UNC5A: variants seen among roughly 807,000 people sequenced by gnomAD.
The protein encoded by UNC5A is unc-5 netrin receptor A.
In UNC5A, 20 loss-of-function variants were observed where a neutral mutation model predicts 87.4. The observed-to-expected ratio is 0.23, with a 90% CI of 0.16 to 0.33. UNC5A has a LOEUF of 0.33. Ranked by LOEUF, UNC5A falls within the 10% of genes least tolerant of loss-of-function variation. The pLI is 1.00. For synonymous variants in UNC5A, 438 were observed against 482.3 expected (o/e 0.91, Z 1.20); for missense variants, 844 against 1,133.4 (o/e 0.74, Z 3.67).
chr5:176,820,996 T>C (rs1041868031), intron 1 of UNC5A, among the ~76,000 whole-genome samples: 1 of 152,200 alleles, frequency 6.6e-6, no homozygotes, highest in African/African-American at 2.4e-5. Context: ...TTGCTTGCCT[T>C]CAAAGAACCC....
chr5:176,863,490 G>A (rs1469409352), intron 2 of UNC5A, among the ~76,000 whole-genome samples: 1 of 152,148 alleles, frequency 6.6e-6, no homozygotes, highest in Admixed American at 6.5e-5. Context: ...GAGACACTGA[G>A]CAGAGGGGGC....
At chr5:176,867,509 G>A (rs1019697032) in intron 2 of UNC5A, among the ~76,000 whole-genome samples, 3 of 152,158 alleles carry the variant, frequency 2.0e-5, no homozygotes, top group Admixed American at 6.5e-5. Context: ...GGGTCCCCAT[G>A]GCAAGTCACT....
intron 1 of UNC5A, among the ~76,000 whole-genome samples, chr5:176,852,952 C>T (rs1428494825): frequency 1.3e-5 from 2 of 152,200 alleles, no homozygotes; most frequent in Non-Finnish European, 2.9e-5. Context: ...AACAAGATGA[C>T]CTCAGGTGGT....
At chr5:176,847,417 G>C (rs1283787758) in intron 1 of UNC5A, among the ~76,000 whole-genome samples, 2 of 152,042 alleles carry the variant, frequency 1.3e-5, no homozygotes, top group Non-Finnish European at 2.9e-5. Context: ...CTGCCGAGGC[G>C]GGGGGGCCCT....
chr5:176,822,561 C>T (rs965237001), intron 1 of UNC5A, among the ~76,000 whole-genome samples: 2 of 152,172 alleles, frequency 1.3e-5, no homozygotes, highest in Non-Finnish European at 2.9e-5. Context: ...CCTGAGAGCC[C>T]GGGTGTGTCT....
In UNC5A at chr5:176,841,218, C is replaced by T. The variant is rs1345431220; in HGVS notation, c.71-21406C>T. ...CCAGATGTCTGTTCTAATTTATTTC[C>T]TTTGAGCCACAGAGCTGCTCAGTGA... On this transcript the variant is annotated intron_variant, in intron 1 of 14. Coordinates refer to ENST00000329542, the MANE Select transcript of UNC5A (RefSeq NM_133369.3). This position sits in a 1 kb window ranked among gnomAD's most constrained non-coding sequence, Gnocchi z 4.1. Among the ~76,000 whole-genome samples, 1 of 152,174 alleles carries T rather than the reference C, an allele frequency of 6.6e-6. No individual in the cohort carries two copies. Among genetic ancestry groups the T allele is most frequent in the Non-Finnish European group, 1.5e-5 (1 of 68,030 alleles).
chr5:176,868,533 C>T, intron 3 of UNC5A, 28 bp from the exon 4 acceptor site: 2 of 1,573,598 alleles, frequency 1.3e-6, no homozygotes, highest in South Asian at 2.3e-5. Flanking sequence ...GGCCCTCAGA[C>T]AGGAGGACAC....
At chr5:176,877,762 C>T in intron 10 of UNC5A, 59 bp downstream of exon 10, 1 of 1,534,088 alleles carries the variant, frequency 6.5e-7, no homozygotes, top group Middle Eastern at 2.2e-4. Context: ...CACGCTCCAC[C>T]CGGCCTTCCA....
At chr5:176,830,023 T>C (rs1043640906) in intron 1 of UNC5A, among the ~76,000 whole-genome samples, 1 of 152,002 alleles carries the variant, frequency 6.6e-6, no homozygotes, top group Non-Finnish European at 1.5e-5. Context: ...TAAAGGGGTG[T>C]GCCACCATGC....
Position 176,874,344 on chromosome 5 carries a change from G to A in UNC5A, c.1156G>A (p.Asp386Asn). Residue 386 changes from aspartate (D) to asparagine (N), a missense_variant, in exon 8 of 15, where the codon GAT (aspartate) becomes AAT (asparagine). Coordinates refer to ENST00000329542, the MANE Select transcript of UNC5A (RefSeq NM_133369.3). This position sits in a 1 kb window ranked among gnomAD's most constrained non-coding sequence, Gnocchi z 7.6. ...CCAGGGCAGTCTCTGTCCCCGGCAG[G>A]ATGGGCCCAGCCCCAAGTTCCAGCT... ...TYQGSLCPRQ[D>N]GPSPKFQLTN... The A allele has an allele frequency of 1.2e-6, 2 of 1,613,556 alleles. No individual in the cohort carries two copies. Among genetic ancestry groups the A allele is most frequent in the Non-Finnish European group, 1.7e-6 (2 of 1,179,818 alleles).
chr5:176,863,539 A>G lies in UNC5A; in HGVS notation c.292+694A>G, dbSNP rs989006876. On this transcript the variant is annotated intron_variant, in intron 2 of 14. Coordinates refer to ENST00000329542, the MANE Select transcript of UNC5A (RefSeq NM_133369.3). ...CTGGGGGCACAGAGAGAGAGGTTCT[A>G]GGGGCAGCGAGCAGACCCAGGAAGC... 3.9e-5 allele frequency among the ~76,000 whole-genome samples: 6 copies of G among 152,062 alleles called. No individual in the cohort carries two copies. In the East Asian group the frequency reaches 1.2e-3, roughly 29 times the overall value.
intron 1 of UNC5A, among the ~76,000 whole-genome samples, chr5:176,847,416 C>CG (rs756099352): frequency 1.7e-4 from 26 of 152,206 alleles, no homozygotes; most frequent in East Asian, 5.8e-4. Context: ...GCTGCCGAGG[C>CG]GGGGGGGCCC....
chr5:176,810,727 C>T lies in UNC5A; in HGVS notation c.-24C>T. On this transcript the variant is annotated 5_prime_UTR_variant, in exon 1 of 15. Transcript: ENST00000329542. This position sits in a 1 kb window ranked among gnomAD's most constrained non-coding sequence, Gnocchi z 7.3. ...CCGCCCGCGGGGCCCCGCGCCCGGC[C>T]CGCCCGCCTGCCCGCCCGCGGCCAT... 9.3e-7 allele frequency: 1 copy of T among 1,075,460 alleles called. No homozygotes were observed. Among genetic ancestry groups the T allele is most frequent in the Non-Finnish European group, 1.1e-6 (1 of 882,284 alleles). 66.6% of individuals were successfully genotyped at this position (1,075,460 alleles called of 1,614,324 possible).
At chr5:176,870,310 C>T (rs1252228625) in intron 5 of UNC5A, 60 bp from the exon 6 acceptor site, 1 of 1,575,722 alleles carries the variant, frequency 6.3e-7, no homozygotes, top group Non-Finnish European at 8.6e-7. Context: ...CACTGGCAGA[C>T]TGCCGGGGTG....
intron 1 of UNC5A, among the ~76,000 whole-genome samples, chr5:176,852,765 A>G (rs558741821): frequency 3.5e-4 from 54 of 152,300 alleles, no homozygotes; most frequent in Middle Eastern, 3.4e-3. Flanking sequence ...GTACTTAGCG[A>G]TGGCAACAGT....
intron 1 of UNC5A, among the ~76,000 whole-genome samples, chr5:176,833,136 C>G (rs771906692): frequency 6.6e-6 from 1 of 152,200 alleles, no homozygotes. Context: ...GAACCCAACT[C>G]AGAATCTTTT....
At chr5:176,845,369 T>C (rs961451679) in intron 1 of UNC5A, among the ~76,000 whole-genome samples, 1 of 152,250 alleles carries the variant, frequency 6.6e-6, no homozygotes, top group Admixed American at 6.5e-5. Context: ...TGCCACCAGA[T>C]AGGTCCTGCC....
intron 1 of UNC5A, among the ~76,000 whole-genome samples, chr5:176,820,584 G>T (rs1466877226): frequency 2.6e-5 from 4 of 152,172 alleles, no homozygotes; most frequent in African/African-American, 9.7e-5. Flanking sequence ...TCTACCGTGG[G>T]ACAGTAACCC....
At chr5:176,852,207 C>A (rs1757560953) in intron 1 of UNC5A, among the ~76,000 whole-genome samples, 1 of 152,140 alleles carries the variant, frequency 6.6e-6, no homozygotes, top group African/African-American at 2.4e-5. Context: ...GGCCGGCCAC[C>A]TGCCTCTGCC....
Sources: allele counts gnomAD v4.1 joint callset (sites outside exome capture counted in the v4.1 genomes callset), GRCh38; gene constraint gnomAD v4.1.1; non-coding constraint Gnocchi (gnomAD v3.1); transcripts MANE v1.5; gene names NCBI Gene and HGNC (gene_info 2026-07-23, HGNC 2026-07-21).